The following ANKIB1 variants were observed in gnomAD, a reference collection of about 807,000 sequenced individuals.
ANKIB1 encodes ankyrin repeat and IBR domain-containing protein 1.
ANKIB1 carries 43 observed loss-of-function variants against 122.1 expected under a neutral mutation model. That is an observed-to-expected ratio of 0.35 (90% CI 0.28 to 0.45). The LOEUF (loss-of-function observed/expected upper bound fraction) is 0.45. ANKIB1 is among the 20% of genes least tolerant of loss of function. The pLI is 1.00. For synonymous variants in ANKIB1, 390 were observed against 442.0 expected (o/e 0.88, Z 1.48); for missense variants, 992 against 1,329.5 (o/e 0.75, Z 3.95).
intron 2 of ANKIB1, among the ~76,000 whole-genome samples, chr7:92,306,769 A>G (rs374423001): frequency 2.4e-4 from 36 of 152,326 alleles, no homozygotes; most frequent in African/African-American, 8.7e-4. Context: ...AAGCAGATTA[A>G]GACATCGTGT....
chr7:92,252,851 A>G (rs565101024), intron 1 of ANKIB1, among the ~76,000 whole-genome samples: 5 of 151,508 alleles, frequency 3.3e-5, no homozygotes, highest in Admixed American at 3.3e-4. Context: ...GACAAAGTAG[A>G]TTCCAGGGCT....
intron 10 of ANKIB1, among the ~76,000 whole-genome samples, chr7:92,368,300 A>G (rs549377073): frequency 2.0e-5 from 3 of 151,478 alleles, no homozygotes; most frequent in East Asian, 3.9e-4. Context: ...ACCTAAGCAC[A>G]CTAGATTATT....
At chr7:92,370,690 C>A (rs774763137) in intron 10 of ANKIB1, among the ~76,000 whole-genome samples, 1 of 152,038 alleles carries the variant, frequency 6.6e-6, no homozygotes, top group Admixed American at 6.6e-5. Context: ...TGACTTATTA[C>A]ACATTCTATG....
Position 92,387,795 on chromosome 7 carries a change from T to A in ANKIB1, c.1753-3T>A. 5 of 1,606,114 alleles carry A rather than the reference T, an allele frequency of 3.1e-6. No individual in the cohort carries two copies. Among genetic ancestry groups the A allele is most frequent in the Non-Finnish European group, 4.2e-6 (5 of 1,177,788 alleles). On this transcript the variant is annotated splice_region_variant and splice_polypyrimidine_tract_variant and intron_variant, in intron 12 of 19. Coordinates refer to ENST00000265742, the MANE Select transcript of ANKIB1 (RefSeq NM_019004.2). ...AAGTCATTTGTGGACTTTTGTTTTC[T>A]AGGCTGAGAAAAAACACAAACGATT... is the stretch of plus-strand genomic sequence containing the variant.
chr7:92,377,134 C>G (rs762494071), intron 11 of ANKIB1, among the ~76,000 whole-genome samples: 1 of 152,186 alleles, frequency 6.6e-6, no homozygotes, highest in African/African-American at 2.4e-5. Flanking sequence ...TAAGCTTAAT[C>G]ATCTAGCATT....
At chr7:92,287,133 T>C (rs992542364) in intron 1 of ANKIB1, among the ~76,000 whole-genome samples, 14 of 152,236 alleles carry the variant, frequency 9.2e-5, no homozygotes, top group African/African-American at 2.9e-4. Context: ...CCTTTCAACC[T>C]AATGTTAACA....
In ANKIB1 at chr7:92,396,408, G is replaced by A. The variant is rs776777318; in HGVS notation, c.2327G>A (p.Arg776His). ...FQYRRRHRQR[R>H]RGDVHSLLSN... Reference sequence around the variant, plus strand: ...TATCGGAGGAGGCACAGACAACGTCGTCGAGGAGATGTTCACAGTCTACTC... The same window carrying A: ...TATCGGAGGAGGCACAGACAACGTCATCGAGGAGATGTTCACAGTCTACTC... Residue 776 changes from arginine to histidine, a missense_variant, in exon 18 of 20, where the codon CGT becomes CAT. Around this residue, in one of 4 missense-constraint regions of ANKIB1, gnomAD observed 384 missense variants for 412.0 expected, o/e 0.93. Coordinates refer to ENST00000265742, the MANE Select transcript of ANKIB1 (RefSeq NM_019004.2). 1.5e-5 allele frequency: 24 copies of A among 1,598,390 alleles called. No individual in the cohort carries two copies. In the East Asian group the frequency reaches 1.6e-4, roughly 11 times the overall value.
At chr7:92,270,071 T>A (rs951381175) in intron 1 of ANKIB1, among the ~76,000 whole-genome samples, 5 of 148,168 alleles carry the variant, frequency 3.4e-5, no homozygotes, top group African/African-American at 1.0e-4. Flanking sequence ...TTAAAAAAAA[T>A]TTTTTTTGGA....
At chr7:92,309,942 A>AAAAAAAAAAAAAT (rs1335765681) in intron 3 of ANKIB1, among the ~76,000 whole-genome samples, 8 of 91,790 alleles carry the variant, frequency 8.7e-5, no homozygotes, top group African/African-American at 3.9e-4. Flanking sequence ...AAAAAAAAAA[A>AAAAAAAAAAAAAT]ATATATATAT....
At position 92,246,116 on chromosome 7, in the gene ANKIB1, G is replaced by C. The variant is rs1800958697; in HGVS notation, c.-494G>C. The C allele has an allele frequency of 1.0e-5, 3 of 286,002 alleles. No homozygotes were observed. Among genetic ancestry groups the C allele is most frequent in the Admixed American group, 1.2e-4 (2 of 16,334 alleles). 17.7% of individuals were successfully genotyped at this position (286,002 alleles called of 1,614,324 possible). A position where few individuals can be genotyped will look rare whatever the true frequency, so the allele number is the denominator to read the frequency against. Reference sequence around the variant, plus strand: ...GAGCCGGAGCCGGAGCCGGAGGCGGGGGAGGGGAAGAGGGCGGCCGGGGCT... The same window carrying C: ...GAGCCGGAGCCGGAGCCGGAGGCGGCGGAGGGGAAGAGGGCGGCCGGGGCT... On this transcript the variant is annotated 5_prime_UTR_variant, in exon 1 of 20. Transcript: ENST00000265742.
At chr7:92,360,319 A>C (rs532879587) in intron 9 of ANKIB1, among the ~76,000 whole-genome samples, 20 of 152,304 alleles carry the variant, frequency 1.3e-4, no homozygotes, top group African/African-American at 4.1e-4. Context: ...GGAATTCTAG[A>C]ATATTTGTAC....
chr7:92,297,321 C>T (rs1461469358), intron 2 of ANKIB1, among the ~76,000 whole-genome samples: 2 of 152,184 alleles, frequency 1.3e-5, no homozygotes, highest in Non-Finnish European at 1.5e-5. Context: ...CTGCCTGTCA[C>T]TTATTAGCAA....
At chr7:92,247,561 A>G (rs756936414) in intron 1 of ANKIB1, among the ~76,000 whole-genome samples, 46 of 152,190 alleles carry the variant, frequency 3.0e-4, no homozygotes, top group Non-Finnish European at 5.7e-4. Context: ...TTCAAAGTAT[A>G]TTTTCAGATT....
At position 92,371,424 on chromosome 7, in the gene ANKIB1, A is replaced by T. The variant is rs367558927; in HGVS notation, c.1487-53A>T. Reference sequence around the variant, plus strand: ...AGTGTGGAGGGTTTTTTTTTCCCCCAGAAGTTGTACACTAAATCATTTATT... The same window carrying T: ...AGTGTGGAGGGTTTTTTTTTCCCCCTGAAGTTGTACACTAAATCATTTATT... On this transcript the variant is annotated intron_variant, in intron 10 of 19. Coordinates refer to ENST00000265742, the MANE Select transcript of ANKIB1 (RefSeq NM_019004.2). The T allele has an allele frequency of 6.6e-6, 10 of 1,514,480 alleles. 1 individual carries two copies. The highest frequency in any genetic ancestry group is 2.4e-5 in the East Asian group (1 of 42,508). 93.8% of individuals were successfully genotyped at this position (1,514,480 alleles called of 1,614,324 possible). A position where few individuals can be genotyped will look rare whatever the true frequency, so the allele number is the denominator to read the frequency against.
chr7:92,303,938 G>A (rs1036536062), intron 2 of ANKIB1, among the ~76,000 whole-genome samples: 53 of 152,132 alleles, frequency 3.5e-4, no homozygotes, highest in Admixed American at 2.1e-3. Context: ...AGAAAAGCAC[G>A]TGGCTCCTGG....
chr7:92,383,721 G>A (rs1585137089), intron 11 of ANKIB1, among the ~76,000 whole-genome samples: 1 of 152,142 alleles, frequency 6.6e-6, no homozygotes, highest in Non-Finnish European at 1.5e-5. Flanking sequence ...CAATAGTCTA[G>A]GTATTGATGG....
At chr7:92,369,198 C>T (rs2115630760) in intron 10 of ANKIB1, among the ~76,000 whole-genome samples, 1 of 152,314 alleles carries the variant, frequency 6.6e-6, no homozygotes, top group Non-Finnish European at 1.5e-5. Context: ...CCTTCTGAAA[C>T]TCCTGTCACC....
At chr7:92,385,423 C>G (rs975749232) in intron 11 of ANKIB1, among the ~76,000 whole-genome samples, 6 of 152,174 alleles carry the variant, frequency 3.9e-5, no homozygotes, top group African/African-American at 1.4e-4. Flanking sequence ...TGTAAAGACA[C>G]ATGCACATAT....
intron 5 of ANKIB1, among the ~76,000 whole-genome samples, chr7:92,333,875 GGAAATT>G (rs1803232292): frequency 6.6e-6 from 1 of 152,032 alleles, no homozygotes; most frequent in Non-Finnish European, 1.5e-5. Context: ...GTAGCATAAT[GGAAATT>G]TTTGAAAAAT....
Sources: allele counts gnomAD v4.1 joint callset (sites outside exome capture counted in the v4.1 genomes callset), GRCh38; gene constraint gnomAD v4.1.1; regional missense constraint gnomAD v4.1.1; transcripts MANE v1.5; gene names NCBI Gene and HGNC (gene_info 2026-07-23, HGNC 2026-07-21).